Variants in CDC42EP5 observed in about 807,000 individuals in gnomAD.
CDC42EP5 encodes CDC42 effector protein (Rho GTPase binding) 5.
For missense variants in CDC42EP5, 269 were observed against 238.0 expected (o/e 1.13, Z -0.86); for synonymous variants, 118 against 123.3 (o/e 0.96, Z 0.28).
chr19:54,471,053 C>T (rs1292746846), intron 2 of CDC42EP5, among the ~76,000 whole-genome samples: 3 of 152,186 alleles, frequency 2.0e-5, no homozygotes, highest in Non-Finnish European at 2.9e-5. Flanking sequence ...TCTGACCTCC[C>T]TCTGGTTGAA....
At chr19:54,467,037 C>T (rs911003672) in intron 2 of CDC42EP5, among the ~76,000 whole-genome samples, 28 of 150,590 alleles carry the variant, frequency 1.9e-4, no homozygotes, top group Non-Finnish European at 3.7e-4. Context: ...GTGATCTGCC[C>T]GCCTCGGCCT....
In CDC42EP5 at chr19:54,465,621, G is replaced by T. The variant is rs989975887; in HGVS notation, c.1-74C>A. The T allele has an allele frequency of 7.9e-5, 106 of 1,345,560 alleles. No individual in the cohort carries two copies. The African/African-American group carries it at 1.6e-3, about 20-fold the overall frequency. The allele number at this position is 1,345,560 out of a possible 1,614,324, so 83.4% of individuals were successfully genotyped here. ...GCCACGCGACTGCTCAAAGGACGAT[G>T]GGGGACGGTTCCCGTTTTTTGTTTT... On this transcript the variant is annotated intron_variant, in intron 2 of 2. Transcript: ENST00000301200.
rs2084724822 is a variant in CDC42EP5 at position 54,465,048 on chromosome 19, T to A, written c.*53A>T. The A allele has an allele frequency of 4.8e-6, 6 of 1,262,598 alleles. No homozygotes were observed. The highest frequency in any genetic ancestry group is 6.0e-6 in the Non-Finnish European group (6 of 995,428). 78.2% of individuals were successfully genotyped at this position (1,262,598 alleles called of 1,614,324 possible). A position where few individuals can be genotyped will look rare whatever the true frequency, so the allele number is the denominator to read the frequency against. ...AGCCCGGGCACACACCTTGGCCGTT[T>A]ATGTATACAGAAGTGGGGTGCCGGG... is the stretch of plus-strand genomic sequence containing the variant. On this transcript the variant is annotated 3_prime_UTR_variant, in exon 3 of 3. Transcript: ENST00000301200.
intron 2 of CDC42EP5, among the ~76,000 whole-genome samples, chr19:54,468,877 T>C (rs1182653165): frequency 1.3e-5 from 2 of 151,452 alleles, no homozygotes. Flanking sequence ...TACAACGTGG[T>C]AGATACTCTG....
chr19:54,471,797 G>T, intron 1 of CDC42EP5, 112 bp from the exon 2 acceptor site: 1 of 164,202 alleles, frequency 6.1e-6, no homozygotes, highest in East Asian at 1.6e-4. Flanking sequence ...CTAGATCTTC[G>T]CTTTCTTAAT....
intron 2 of CDC42EP5, among the ~76,000 whole-genome samples, chr19:54,468,691 A>C (rs1163494596): frequency 1.3e-5 from 2 of 150,436 alleles, no homozygotes; most frequent in Admixed American, 1.3e-4. Context: ...CTACAGGCTC[A>C]TGCTACCATG....
rs1173799291 is a variant in CDC42EP5, at chr19:54,465,499, C to T, written c.49G>A (p.Asp17Asn). ...LGPAQPKKRP[D>N]RGALSISAPL... The stretch of plus-strand genomic sequence containing the variant: ...GCGGAGATGGACAGGGCGCCGCGAT[C>T]AGGCCGCTTCTTGGGCTGCGCGGGG... The change falls in exon 3 of 3, where the codon GAT becomes AAT. Residue 17 changes from aspartate (D) to asparagine (N), a missense_variant. Asp to Asn is a conservative substitution (Grantham distance 23). Coordinates refer to ENST00000301200, the MANE Select transcript of CDC42EP5 (RefSeq NM_145057.4). The T allele has an allele frequency of 6.5e-7, 1 of 1,539,726 alleles. No homozygotes were observed. Among genetic ancestry groups the T allele is most frequent in the Admixed American group, 1.9e-5 (1 of 51,428 alleles).
chr19:54,466,301 G>C (rs1040554256), intron 2 of CDC42EP5, among the ~76,000 whole-genome samples: 1 of 152,134 alleles, frequency 6.6e-6, no homozygotes, highest in Non-Finnish European at 1.5e-5. Flanking sequence ...AAATTAGCGG[G>C]GCATGGTGGC....
chr19:54,471,808 C>T, intron 1 of CDC42EP5, 123 bp from the exon 2 acceptor site: 1 of 168,066 alleles, frequency 6.0e-6, no homozygotes, highest in Non-Finnish European at 1.3e-5. Flanking sequence ...CTTTCTTAAT[C>T]CCACCCCAGA....
chr19:54,468,955 C>A (rs2084798608), intron 2 of CDC42EP5, among the ~76,000 whole-genome samples: 1 of 142,452 alleles, frequency 7.0e-6, no homozygotes, highest in East Asian at 2.0e-4. Flanking sequence ...CTCCCTCCTT[C>A]CTTCCTTCCT....
Position 54,465,446 on chromosome 19 carries a change from C to G in CDC42EP5, c.102G>C (p.Leu34=), listed in dbSNP as rs780007502. The G allele has an allele frequency of 4.6e-6, 7 of 1,512,798 alleles. 1 individual carries two copies. The South Asian group carries it at 8.5e-5, about 18-fold the overall frequency. The allele number at this position is 1,512,798 out of a possible 1,614,324, so 93.7% of individuals were successfully genotyped here. The change falls in exon 3 of 3, where the codon CTG becomes CTC. Residue 34 remains leucine (L), a synonymous_variant. Coordinates refer to ENST00000301200, the MANE Select transcript of CDC42EP5 (RefSeq NM_145057.4). ...SAPLGDFRHT[L]HVGRGGDAFG... Reference sequence around the variant, plus strand: ...AGGCGTCGCCGCCGCGCCCCACGTGCAGCGTGTGCCGGAAGTCGCCGAGCG... The same window carrying G: ...AGGCGTCGCCGCCGCGCCCCACGTGGAGCGTGTGCCGGAAGTCGCCGAGCG...
chr19:54,469,464 C>T (rs1312433569), intron 2 of CDC42EP5, among the ~76,000 whole-genome samples: 2 of 152,160 alleles, frequency 1.3e-5, no homozygotes, highest in Non-Finnish European at 2.9e-5. Context: ...AAGTGGAATT[C>T]AGAAAGTCCA....
At chr19:54,467,464 A>G (rs1031036048) in intron 2 of CDC42EP5, among the ~76,000 whole-genome samples, 4 of 151,820 alleles carry the variant, frequency 2.6e-5, no homozygotes, top group Non-Finnish European at 5.9e-5. Context: ...AAAAAAAAAT[A>G]AAAAGCCCTA....
At chr19:54,468,767 G>A (rs1364121606) in intron 2 of CDC42EP5, among the ~76,000 whole-genome samples, 1 of 150,300 alleles carries the variant, frequency 6.7e-6, no homozygotes, top group African/African-American at 2.5e-5. Flanking sequence ...GCCCAGGCTG[G>A]TCTCAAACTC....
At chr19:54,468,948 C>CTTT (rs2084798153) in intron 2 of CDC42EP5, among the ~76,000 whole-genome samples, 1 of 64,686 alleles carries the variant, frequency 1.5e-5, no homozygotes. Flanking sequence ...TCCCTCCCTC[C>CTTT]CTCCTTCCTT....
chr19:54,466,170 C>T (rs1011213466), intron 2 of CDC42EP5, among the ~76,000 whole-genome samples: 2 of 151,306 alleles, frequency 1.3e-5, no homozygotes, highest in African/African-American at 4.9e-5. Flanking sequence ...GGCCCGGGTG[C>T]GGTGGCTCAC....
chr19:54,469,080 C>A (rs12460843), intron 2 of CDC42EP5, among the ~76,000 whole-genome samples: 1 of 151,708 alleles, frequency 6.6e-6, no homozygotes, highest in Admixed American at 6.6e-5. Flanking sequence ...CTGCAACCTC[C>A]GCCTCCCAGG....
At position 54,465,289 on chromosome 19, in the gene CDC42EP5, G is replaced by T. The variant is rs752195595; in HGVS notation, c.259C>A (p.Pro87Thr). The T allele has an allele frequency of 2.3e-6, 3 of 1,291,968 alleles. No homozygotes were observed. Among genetic ancestry groups the T allele is most frequent in the Admixed American group, 3.8e-5 (1 of 26,308 alleles). 80.0% of individuals were successfully genotyped at this position (1,291,968 alleles called of 1,614,324 possible). A position where few individuals can be genotyped will look rare whatever the true frequency, so the allele number is the denominator to read the frequency against. Residue 87 changes from proline to threonine, a missense_variant, in exon 3 of 3, where the codon CCG becomes ACG. Transcript: ENST00000301200. ...PQSAAPSPADPLLSFHLDLGP... is the reference protein window; with the variant it reads ...PQSAAPSPADTLLSFHLDLGP... ...AGATCCAGGTGGAAGGACAGCAGCG[G>T]GTCGGCAGGCGAGGGCGCTGCGGAC...
intron 2 of CDC42EP5, among the ~76,000 whole-genome samples, chr19:54,468,720 T>C (rs1366138443): frequency 6.7e-6 from 1 of 148,154 alleles, no homozygotes; most frequent in Non-Finnish European, 1.5e-5. Flanking sequence ...TTTTTGTATT[T>C]TTTTTTTTTT....
Sources: allele counts gnomAD v4.1 joint callset (sites outside exome capture counted in the v4.1 genomes callset), GRCh38; gene constraint gnomAD v4.1.1; transcripts MANE v1.5; gene names NCBI Gene and HGNC (gene_info 2026-07-23, HGNC 2026-07-21).